Variants in AURKAIP1 observed in about 807,000 individuals in gnomAD.
AURKAIP1 encodes aurora kinase A interacting protein 1.
In AURKAIP1, 20 loss-of-function variants were observed where a neutral mutation model predicts 18.4. The observed-to-expected ratio is 1.09, with a 90% confidence interval of 0.77 to 1.58. AURKAIP1 has a LOEUF of 1.58. AURKAIP1 is among the 40% of genes most tolerant of loss of function. AURKAIP1 has a pLI of 0.00. For missense variants in AURKAIP1, 319 were observed against 270.7 expected (o/e 1.18, Z -1.25); for synonymous variants, 156 against 120.8 (o/e 1.29, Z -1.91).
intron 2 of AURKAIP1, 78 bp downstream of exon 2, chr1:1,374,627 C>T: frequency 6.7e-7 from 1 of 1,484,100 alleles, no homozygotes; most frequent in Admixed American, 2.0e-5. Flanking sequence ...GCCACCGGCC[C>T]TGCCCCAGCG....
intron 2 of AURKAIP1, 115 bp downstream of exon 2, chr1:1,374,590 G>T: frequency 7.2e-7 from 1 of 1,392,056 alleles, no homozygotes; most frequent in Non-Finnish European, 9.9e-7. Context: ...AGCATCGGAA[G>T]CTTAGAGGGG....
Position 1,373,744 on chromosome 1 carries a change from C to G in AURKAIP1, c.*57G>C. The G allele has an allele frequency of 6.7e-7, 1 of 1,495,464 alleles. No individual in the cohort carries two copies. Among genetic ancestry groups the G allele is most frequent in the East Asian group, 2.3e-5 (1 of 43,908 alleles). The allele number at this position is 1,495,464 out of a possible 1,614,324, so 92.6% of individuals were successfully genotyped here. Reference sequence around the variant, plus strand: ...AGACCCGCAGGAAAGGCTGAGTCCTCTGAGAATTTATTACTACGGATCACA... The same window carrying G: ...AGACCCGCAGGAAAGGCTGAGTCCTGTGAGAATTTATTACTACGGATCACA... On this transcript the variant is annotated 3_prime_UTR_variant, in exon 4 of 4. Coordinates refer to ENST00000338338, the MANE Select transcript of AURKAIP1 (RefSeq NM_017900.3).
chr1:1,374,395 C>G lies in AURKAIP1; in HGVS notation c.103G>C (p.Gly35Arg). 4.1e-6 allele frequency: 6 copies of G among 1,476,622 alleles called. No homozygotes were observed. Among genetic ancestry groups the G allele is most frequent in the Non-Finnish European group, 5.4e-6 (6 of 1,120,148 alleles). 91.5% of individuals were successfully genotyped at this position (1,476,622 alleles called of 1,614,324 possible). A position where few individuals can be genotyped will look rare whatever the true frequency, so the allele number is the denominator to read the frequency against. Residue 35 changes from glycine (G) to arginine (R), a missense_variant, in exon 3 of 4, where the codon GGG (glycine) becomes CGG (arginine). Transcript: ENST00000338338. Reference sequence around the variant, plus strand: ...GCCGGCGATGTGCTGTAAAGGGGCCCGCAGACCCGGCTGCCCAGCACTCCA... The same window carrying G: ...GCCGGCGATGTGCTGTAAAGGGGCCGGCAGACCCGGCTGCCCAGCACTCCA... ...VSGVLGSRVC[G>R]PLYSTSPAGP... is the part of the protein sequence containing the mutation.
intron 2 of AURKAIP1, 38 bp downstream of exon 2, chr1:1,374,667 G>T (rs1447843456): frequency 6.5e-7 from 1 of 1,548,608 alleles, no homozygotes; most frequent in South Asian, 1.2e-5. Context: ...TCCTAACCAG[G>T]TGTGCATCCT....
intron 2 of AURKAIP1, 125 bp from the exon 3 acceptor site, chr1:1,374,570 T>C: frequency 7.3e-7 from 1 of 1,371,336 alleles, no homozygotes; most frequent in South Asian, 1.3e-5. Flanking sequence ...CCCCTGAGGT[T>C]CCCTCTGTGA....
At position 1,374,805 on chromosome 1, in the gene AURKAIP1, C is replaced by A. The variant is rs1158445030; in HGVS notation, c.-34-15G>T. 5 of 1,533,470 alleles carry A rather than the reference C, an allele frequency of 3.3e-6. No homozygotes were observed. The highest frequency in any genetic ancestry group is 3.5e-6 in the Non-Finnish European group (4 of 1,135,062). The allele number at this position is 1,533,470 out of a possible 1,614,324, so 95.0% of individuals were successfully genotyped here. On this transcript the variant is annotated splice_polypyrimidine_tract_variant and intron_variant, in intron 1 of 3. Coordinates refer to ENST00000338338, the MANE Select transcript of AURKAIP1 (RefSeq NM_017900.3). Reference sequence around the variant, plus strand: ...TCCCAGGGGAGCTGGAACACAAGTGCCCGTTCAGGTCAGGCGGCAGCGCCT... The same window carrying A: ...TCCCAGGGGAGCTGGAACACAAGTGACCGTTCAGGTCAGGCGGCAGCGCCT...
In AURKAIP1 at chr1:1,374,295, T is replaced by A. The variant is rs758605382; in HGVS notation, c.203A>T (p.Lys68Met). 20 of 1,591,184 alleles carry A rather than the reference T, an allele frequency of 1.3e-5. No homozygotes were observed. In the East Asian group the frequency reaches 4.3e-4, roughly 34 times the overall value. Reference protein sequence around the residue: ...LELEEMLVPRKMSVSPLESWL... With the variant: ...LELEEMLVPRMMSVSPLESWL... Reference sequence around the variant, plus strand: ...GCTCTCCAGGGGGCTGACGGACATCTTCCTGGGGACCAGCATCTCCTCCAG... The same window carrying A: ...GCTCTCCAGGGGGCTGACGGACATCATCCTGGGGACCAGCATCTCCTCCAG... Residue 68 changes from lysine to methionine, a missense_variant, in exon 3 of 4, where the codon AAG becomes ATG. Physicochemically the swap from Lys to Met is moderately conservative, Grantham distance 95. Coordinates refer to ENST00000338338, the MANE Select transcript of AURKAIP1 (RefSeq NM_017900.3).
chr1:1,374,638 G>A, intron 2 of AURKAIP1, 67 bp downstream of exon 2: 1 of 1,509,700 alleles, frequency 6.6e-7, no homozygotes, highest in East Asian at 2.5e-5. Context: ...TGCCCCAGCG[G>A]AGCTGCTGAG....
chr1:1,373,975 C>T (rs771369102), intron 3 of AURKAIP1, 25 bp downstream of exon 3: 4 of 1,608,440 alleles, frequency 2.5e-6, no homozygotes, highest in Admixed American at 3.3e-5. Context: ...TTTGCCCTCC[C>T]AGGGCCAAGC....
intron 2 of AURKAIP1, 113 bp from the exon 3 acceptor site, chr1:1,374,558 A>C: frequency 7.3e-7 from 1 of 1,368,348 alleles, no homozygotes; most frequent in Non-Finnish European, 1.0e-6. Flanking sequence ...TCCTGGCCTG[A>C]ACCCCTGAGG....
chr1:1,373,999 C>T lies in AURKAIP1; in HGVS notation c.498+1G>A. The T allele has an allele frequency of 1.2e-6, 2 of 1,608,620 alleles. No individual in the cohort carries two copies. Reference sequence around the variant, plus strand: ...CCAGGGCCAAGCAGGGGGCCACTCACCTGCTTGCGTCTCAGGCGTCCCTCC... The same window carrying T: ...CCAGGGCCAAGCAGGGGGCCACTCATCTGCTTGCGTCTCAGGCGTCCCTCC... On this transcript the variant is annotated splice_donor_variant, in intron 3 of 3. Transcript: ENST00000338338. LOFTEE classifies it high-confidence loss of function.
At position 1,374,732 on chromosome 1, in the gene AURKAIP1, G is replaced by A. The variant is rs1271838294; in HGVS notation, c.25C>T (p.Gln9Ter). ...GCCCAAGGAACGGCCCTCAACAGCT[G>A]GGAAGTCAGGCGCCCCAGGAGCATG... MLLGRLTS[Q>*]LLRAVPWAGG... The change falls in exon 2 of 4, where the codon CAG (glutamine) becomes TAG (stop). Residue 9 changes from glutamine to a stop codon, truncating the protein, a stop_gained. Coordinates refer to ENST00000338338, the MANE Select transcript of AURKAIP1 (RefSeq NM_017900.3). LOFTEE classifies it high-confidence loss of function. The A allele has an allele frequency of 1.3e-5, 20 of 1,561,276 alleles. No homozygotes were observed. The highest frequency in any genetic ancestry group is 8.3e-5 in the South Asian group (7 of 84,792).
At chr1:1,374,481 A>G (rs1557695022) in intron 2 of AURKAIP1, 36 bp from the exon 3 acceptor site, 1 of 1,433,044 alleles carries the variant, frequency 7.0e-7, no homozygotes, top group Non-Finnish European at 9.1e-7. Flanking sequence ...ACCGCTCGCG[A>G]GACCACACAG....
chr1:1,373,877 C>G lies in AURKAIP1; in HGVS notation c.524G>C (p.Arg175Pro). The G allele has an allele frequency of 2.5e-6, 4 of 1,608,266 alleles. No individual in the cohort carries two copies. The highest frequency in any genetic ancestry group is 3.4e-6 in the Non-Finnish European group (4 of 1,179,982). The change falls in exon 4 of 4, where the codon CGC becomes CCC. Residue 175 changes from arginine (R) to proline (P), a missense_variant. Coordinates refer to ENST00000338338, the MANE Select transcript of AURKAIP1 (RefSeq NM_017900.3). ...CTTTAGCCCCGCCTTCAGCCAGATG[C>G]GCCTCAGGTCTTTCTCGAACTTGAT... ...KQIKFEKDLR[R>P]IWLKAGLKEA... is the part of the protein sequence containing the mutation.
In AURKAIP1 at chr1:1,374,115, T is replaced by G. The variant is rs781737581; in HGVS notation, c.383A>C (p.Lys128Thr). 8 of 1,613,554 alleles carry G rather than the reference T, an allele frequency of 5.0e-6. No homozygotes were observed. Among genetic ancestry groups the G allele is most frequent in the Non-Finnish European group, 6.8e-6 (8 of 1,179,850 alleles). ...CCGCCGGCGGATCTTCAGCACGTTT[T>G]TGCACTGAATTTGAGGCGCATCCGC... ...GVADAPQIQC[K>T]NVLKIRRRKM... is the part of the protein sequence containing the mutation. The change falls in exon 3 of 4, where the codon AAA becomes ACA. Residue 128 changes from lysine to threonine, a missense_variant. Transcript: ENST00000338338.
rs1442012954 is a variant in AURKAIP1 at position 1,373,776 on chromosome 1, A to C, written c.*25T>G. The C allele has an allele frequency of 6.3e-7, 1 of 1,581,538 alleles. No individual in the cohort carries two copies. Among genetic ancestry groups the C allele is most frequent in the Admixed American group, 1.8e-5 (1 of 56,900 alleles). ...TTTATTACTACGGATCACAGCAGCAACGGGCGGGAAGGGCGGCGCCAGACT... is the reference window on the plus strand; with the variant it reads ...TTTATTACTACGGATCACAGCAGCACCGGGCGGGAAGGGCGGCGCCAGACT... On this transcript the variant is annotated 3_prime_UTR_variant, in exon 4 of 4. Coordinates refer to ENST00000338338, the MANE Select transcript of AURKAIP1 (RefSeq NM_017900.3).
chr1:1,375,095 C>T (rs1569843785), intron 1 of AURKAIP1, 59 bp downstream of exon 1: 1 of 249,092 alleles, frequency 4.0e-6, no homozygotes, highest in East Asian at 1.1e-4. Flanking sequence ...GGACCCCGGG[C>T]CCGCCTGCCG....
rs1644323860 is a variant in AURKAIP1, at chr1:1,374,220, C to T, written c.278G>A (p.Gly93Glu). 2.5e-6 allele frequency: 4 copies of T among 1,613,068 alleles called. No homozygotes were observed. Among genetic ancestry groups the T allele is most frequent in the East Asian group, 2.2e-5 (1 of 44,882 alleles). The change falls in exon 3 of 4, where the codon GGG becomes GAG. Residue 93 changes from glycine (G) to glutamate (E), a missense_variant. Gly to Glu is a moderately conservative substitution (Grantham distance 98). Coordinates refer to ENST00000338338, the MANE Select transcript of AURKAIP1 (RefSeq NM_017900.3). ...GTAGGATTGCGGTGGAGCCACAGTC[C>T]CTGCGGTCCCGGTATCCAGTCTGGG... ...FLPRLDTGTA[G>E]TVAPPQSYQC... is the part of the protein sequence containing the mutation.
intron 2 of AURKAIP1, 98 bp downstream of exon 2, chr1:1,374,607 T>G: frequency 7.3e-7 from 1 of 1,370,340 alleles, no homozygotes; most frequent in Admixed American, 2.0e-5. Context: ...GGGGAAAGAG[T>G]GTGTGTGTGG....
Sources: allele counts gnomAD v4.1 joint callset, GRCh38; gene constraint gnomAD v4.1.1; transcripts MANE v1.5; gene names NCBI Gene and HGNC (gene_info 2026-07-23, HGNC 2026-07-21).